MME: variants seen among roughly 807,000 people sequenced by gnomAD.
The protein encoded by MME is membrane metalloendopeptidase.
A neutral mutation model predicts 113.2 loss-of-function variants in MME; 98 were observed. The ratio of observed to expected loss-of-function variants is 0.87; its 90% CI spans 0.74 to 1.02. MME has a LOEUF of 1.02. Among genes scored for constraint, MME ranks in the 50% least tolerant of loss-of-function variants. MME has a pLI of 0.00. For synonymous variants in MME, 292 were observed against 300.6 expected (o/e 0.97, Z 0.30); for missense variants, 836 against 896.0 (o/e 0.93, Z 0.86).
Position 155,114,978 on chromosome 3 carries a change from T to A in MME, c.197-16T>A. 1 of 1,613,846 alleles carries A rather than the reference T, an allele frequency of 6.2e-7. No homozygotes were observed. Among genetic ancestry groups the A allele is most frequent in the Non-Finnish European group, 8.5e-7 (1 of 1,179,738 alleles). On this transcript the variant is annotated splice_polypyrimidine_tract_variant and intron_variant, in intron 3 of 22. Coordinates refer to ENST00000360490, the MANE Select transcript of MME (RefSeq NM_007289.4). ...TAAACCCATCATTTTATCTAGTGTTTTCTCTGCTCTTGCAGCTGCTCGACT... is the reference window on the plus strand; with the variant it reads ...TAAACCCATCATTTTATCTAGTGTTATCTCTGCTCTTGCAGCTGCTCGACT...
At chr3:155,039,608 A>G (rs1713240570) in intron 1 of MME, among the ~76,000 whole-genome samples, 1 of 152,204 alleles carries the variant, frequency 6.6e-6, no homozygotes, top group African/African-American at 2.4e-5. Context: ...TTTGCCAATT[A>G]ATCATAGTAG....
chr3:155,055,433 G>T (rs1245394043), intron 1 of MME, among the ~76,000 whole-genome samples: 1 of 151,926 alleles, frequency 6.6e-6, no homozygotes, highest in Non-Finnish European at 1.5e-5. Context: ...CCCCGTCTCT[G>T]CAAAAATATA....
chr3:155,099,583 A>G (rs1396964863), intron 3 of MME, among the ~76,000 whole-genome samples: 1 of 152,326 alleles, frequency 6.6e-6, no homozygotes, highest in Admixed American at 6.5e-5. Context: ...AAGTAAAAAC[A>G]AGCAAGCCAA....
chr3:155,049,234 T>C (rs1037521244), intron 1 of MME, among the ~76,000 whole-genome samples: 2 of 152,134 alleles, frequency 1.3e-5, no homozygotes, highest in Non-Finnish European at 2.9e-5. Context: ...GTATTTAAGA[T>C]AATAATTGAG....
intron 3 of MME, among the ~76,000 whole-genome samples, chr3:155,109,945 C>T (rs956736219): frequency 1.2e-4 from 18 of 152,196 alleles, no homozygotes; most frequent in African/African-American, 3.1e-4. Flanking sequence ...ATCCACCTAG[C>T]GTGGCCTCCA....
intron 1 of MME, among the ~76,000 whole-genome samples, chr3:155,055,279 A>G (rs1056169359): frequency 6.6e-6 from 1 of 152,200 alleles, no homozygotes; most frequent in Non-Finnish European, 1.5e-5. Context: ...CAAACATAAT[A>G]TTGAGCAAAA....
At chr3:155,045,645 T>C (rs115882972) in intron 1 of MME, among the ~76,000 whole-genome samples, 4,480 of 152,042 alleles carry the variant, frequency 0.029, 222 homozygotes, top group African/African-American at 0.1. Flanking sequence ...CCTTGTCTTC[T>C]TGATCACTAC....
At chr3:155,038,976 G>A (rs545109274) in intron 1 of MME, among the ~76,000 whole-genome samples, 4 of 152,250 alleles carry the variant, frequency 2.6e-5, no homozygotes, top group African/African-American at 7.2e-5. Flanking sequence ...TGAGCATTGT[G>A]TGGAGGAATA....
chr3:155,108,173 T>C (rs1189723262), intron 3 of MME, among the ~76,000 whole-genome samples: 1 of 152,218 alleles, frequency 6.6e-6, no homozygotes, highest in East Asian at 1.9e-4. Flanking sequence ...TAATTCAGTG[T>C]AGTAGGGACT....
chr3:155,114,961 T>C (rs924404638), intron 3 of MME, 33 bp from the exon 4 acceptor site: 1 of 1,610,936 alleles, frequency 6.2e-7, no homozygotes, highest in African/African-American at 1.3e-5. Context: ...AATAAACCCA[T>C]CATTTTATCT....
chr3:155,106,913 A>C (rs1717735730), intron 3 of MME, among the ~76,000 whole-genome samples: 1 of 152,182 alleles, frequency 6.6e-6, no homozygotes, highest in Non-Finnish European at 1.5e-5. Context: ...AACAGTTATA[A>C]ATCAGGCTAA....
At chr3:155,153,614 T>G (rs961677613) in intron 16 of MME, among the ~76,000 whole-genome samples, 4 of 152,202 alleles carry the variant, frequency 2.6e-5, no homozygotes, top group South Asian at 2.1e-4. Flanking sequence ...ATTTTGTTAG[T>G]TTCTCAGGAC....
chr3:155,084,448 G>A, intron 2 of MME, 121 bp downstream of exon 2: 2 of 974,354 alleles, frequency 2.1e-6, no homozygotes, highest in Non-Finnish European at 3.2e-6. Context: ...CTGACAAAGA[G>A]ATTCATTTAT....
chr3:155,119,574 C>A (rs1482908154), intron 8 of MME, among the ~76,000 whole-genome samples: 19 of 113,898 alleles, frequency 1.7e-4, no homozygotes, highest in Non-Finnish European at 5.4e-5. Flanking sequence ...CCCCTCCCCC[C>A]ACCCCACCAC....
At position 155,116,900 on chromosome 3, in the gene MME, C is replaced by T. The variant is rs1718664539; in HGVS notation, c.568C>T (p.Gln190Ter). The change falls in exon 7 of 23, where the codon CAA (glutamine) becomes TAA (stop). Residue 190 changes from glutamine to a stop codon, truncating the protein, a stop_gained. Transcript: ENST00000360490. LOFTEE classifies it high-confidence loss of function. ...ASWTAEKAIA[Q>*]LNSKYGKKVL... Reference sequence around the variant, plus strand: ...TTGGACAGCTGAAAAAGCTATTGCACAACTGAATTCTAAATATGGGAAAAA... The same window carrying T: ...TTGGACAGCTGAAAAAGCTATTGCATAACTGAATTCTAAATATGGGAAAAA... 3 of 1,612,126 alleles carry T rather than the reference C, an allele frequency of 1.9e-6. No individual in the cohort carries two copies. The highest frequency in any genetic ancestry group is 1.1e-5 in the South Asian group (1 of 90,998).
chr3:155,159,205 T>C (rs9831947), intron 16 of MME, among the ~76,000 whole-genome samples: 40,371 of 151,822 alleles, frequency 0.27, 5,612 homozygotes, highest in Middle Eastern at 0.31. Flanking sequence ...ACATTGTAAC[T>C]AAAGCCTACT....
At chr3:155,132,738 A>T (rs1412678758) in intron 8 of MME, among the ~76,000 whole-genome samples, 1 of 151,962 alleles carries the variant, frequency 6.6e-6, no homozygotes, top group Middle Eastern at 3.2e-3. Context: ...TATCCTGGCC[A>T]ATCTACTTTT....
chr3:155,063,395 T>G (rs1714241766), intron 1 of MME, among the ~76,000 whole-genome samples: 1 of 109,648 alleles, frequency 9.1e-6, no homozygotes, highest in African/African-American at 3.8e-5. Context: ...ATATTTCATA[T>G]ATATTTTATA....
intron 1 of MME, among the ~76,000 whole-genome samples, chr3:155,054,699 C>T (rs1713869402): frequency 6.6e-6 from 1 of 152,162 alleles, no homozygotes; most frequent in South Asian, 2.1e-4. Flanking sequence ...CCCCTGTAGT[C>T]CTAGCTACTC....
Sources: gnomAD v4.1 joint callset for allele counts (sites outside exome capture counted in the v4.1 genomes callset) on GRCh38, gnomAD v4.1.1 for gene constraint, MANE v1.5 for transcripts, NCBI Gene and HGNC (gene_info 2026-07-23, HGNC 2026-07-21) for gene names.